Variants in CD3E observed in about 807,000 individuals in gnomAD.
CD3E encodes the protein CD3 epsilon subunit of T-cell receptor complex.
In CD3E, 16 loss-of-function variants were observed where a neutral mutation model predicts 34.7. The ratio of observed to expected loss-of-function variants is 0.46; its 90% CI spans 0.31 to 0.70. The LOEUF (loss-of-function observed/expected upper bound fraction) is 0.70, where lower values mean the gene tolerates loss of function less well. CD3E is among the 30% of genes least tolerant of loss of function. The probability of loss-of-function intolerance (pLI) is 0.05; values close to 1 mark genes in which losing one functional copy is unlikely to be tolerated. For synonymous variants in CD3E, 70 were observed against 90.8 expected, an observed-to-expected ratio of 0.77 and a Z score of 1.30; for missense variants, 223 against 253.9, an observed-to-expected ratio of 0.88 and a Z score of 0.83.
At chr11:118,315,309 C>T (rs981635005) in intron 8 of CD3E, among the ~76,000 whole-genome samples, 177 bp from the exon 9 acceptor site, 4 of 152,084 alleles carry the variant, frequency 2.6e-5, no homozygotes, top group African/African-American at 9.7e-5. Context: ...CTGAGGCTCA[C>T]GGAAGGAGGT....
At position 118,314,423 on chromosome 11, in the gene CD3E, A is replaced by G. The variant is rs1290073735; in HGVS notation, c.521-25A>G. On this transcript the variant is annotated intron_variant, in intron 7 of 8. Coordinates refer to ENST00000361763, the MANE Select transcript of CD3E (RefSeq NM_000733.4). ...AAGATTGGTTCCCTCATGGGAATGA[A>G]ATGTTTCCCCTCCTTCCTCCGCAGG... 4.3e-6 allele frequency: 7 copies of G among 1,609,544 alleles called. No homozygotes were observed. The South Asian group carries it at 5.5e-5, about 13-fold the overall frequency.
chr11:118,305,756 G>A (rs534973245), intron 2 of CD3E, among the ~76,000 whole-genome samples: 1 of 152,316 alleles, frequency 6.6e-6, no homozygotes, highest in African/African-American at 2.4e-5. Flanking sequence ...TAAATAACTT[G>A]TTTTAAACCA....
At chr11:118,314,547 G>A in intron 8 of CD3E, 53 bp downstream of exon 8, 1 of 1,547,434 alleles carries the variant, frequency 6.5e-7, no homozygotes, top group South Asian at 1.1e-5. Flanking sequence ...CCCTCCAGGG[G>A]GGAAGGAAAC....
intron 6 of CD3E, chr11:118,313,210 AGGTTTGC>A: frequency 1.3e-5 from 5 of 382,004 alleles, no homozygotes; most frequent in Non-Finnish European, 1.5e-5. Context: ...TTTTTCAGAA[AGGTTTGC>A]AAAAAACACT....
In CD3E at chr11:118,308,155, C is replaced by T. The variant is rs150357522; in HGVS notation, c.71-272C>T. On this transcript the variant is annotated intron_variant, in intron 3 of 8. Transcript: ENST00000361763. The stretch of plus-strand genomic sequence containing the variant: ...CTGCACTCTAGCCTGGGTGACACAT[C>T]GAGACTGTCTCAAAAATAAAATAAA... 3.2e-3 allele frequency among the ~76,000 whole-genome samples: 482 copies of T among 152,266 alleles called. 5 individuals are homozygous for T. The highest frequency in any genetic ancestry group is 0.011 in the African/African-American group (447 of 41,538).
chr11:118,313,983 T>C, intron 7 of CD3E, 109 bp downstream of exon 7: 1 of 1,005,314 alleles, frequency 9.9e-7, no homozygotes, highest in Non-Finnish European at 1.5e-6. Context: ...TCTCTAGAGC[T>C]TCTATGCACA....
At chr11:118,310,244 G>C (rs2134764430) in intron 4 of CD3E, among the ~76,000 whole-genome samples, 1 of 152,282 alleles carries the variant, frequency 6.6e-6, no homozygotes. Context: ...CCTGGTACCT[G>C]TTAGTTATTT....
intron 1 of CD3E, 55 bp from the exon 2 acceptor site, chr11:118,304,839 G>A (rs1414762762): frequency 4.6e-6 from 4 of 872,574 alleles, no homozygotes; most frequent in Non-Finnish European, 7.9e-6. Flanking sequence ...TGGCCCCAGG[G>A]TCCTTATCTC....
chr11:118,309,740 C>A (rs1196874507), intron 4 of CD3E, among the ~76,000 whole-genome samples: 1 of 152,198 alleles, frequency 6.6e-6, no homozygotes, highest in African/African-American at 2.4e-5. Flanking sequence ...TTCCAACACC[C>A]CTACTGTACA....
chr11:118,307,396 C>A, intron 3 of CD3E, 88 bp downstream of exon 3: 1 of 1,176,696 alleles, frequency 8.5e-7, no homozygotes, highest in Non-Finnish European at 1.2e-6. Flanking sequence ...AGGCCTCCCA[C>A]AGAACTTCCA....
intron 4 of CD3E, among the ~76,000 whole-genome samples, chr11:118,310,175 AG>A (rs1591268134): frequency 6.6e-6 from 1 of 152,224 alleles, no homozygotes; most frequent in Non-Finnish European, 1.5e-5. Flanking sequence ...TTTGTTATAT[AG>A]GTAAACTTGT....
rs532004991 is a variant in CD3E, at chr11:118,304,919, C to T, written c.-34C>T. 1 of 1,608,532 alleles carries T rather than the reference C, an allele frequency of 6.2e-7. No homozygotes were observed. The highest frequency in any genetic ancestry group is 2.2e-5 in the East Asian group (1 of 44,854). ...AAGTAGTAAGTCTGCTGGCCTCCGC[C>T]ATCTTAGTAAAGTAACAGTCCCATG... is the stretch of plus-strand genomic sequence containing the variant. On this transcript the variant is annotated 5_prime_UTR_variant, in exon 2 of 9. Coordinates refer to ENST00000361763, the MANE Select transcript of CD3E (RefSeq NM_000733.4).
At chr11:118,313,685 C>T (rs747019188) in intron 6 of CD3E, 22 bp from the exon 7 acceptor site, 2 of 1,613,000 alleles carry the variant, frequency 1.2e-6, no homozygotes, top group East Asian at 2.2e-5. Flanking sequence ...GATTTCCCCT[C>T]TCCCCACCCC....
chr11:118,310,490 G>A (rs1948129986), intron 4 of CD3E, among the ~76,000 whole-genome samples: 1 of 152,212 alleles, frequency 6.6e-6, no homozygotes, highest in South Asian at 2.1e-4. Context: ...ATTCCATGGT[G>A]TATATGCAGC....
intron 5 of CD3E, 94 bp from the exon 6 acceptor site, chr11:118,312,523 AT>A (rs1948141185): frequency 2.1e-6 from 3 of 1,409,522 alleles, no homozygotes; most frequent in South Asian, 1.2e-5. Flanking sequence ...TAGATGACAG[AT>A]GACTTCCTGC....
At chr11:118,307,198 G>T in intron 2 of CD3E, 90 bp from the exon 3 acceptor site, 2 of 948,500 alleles carry the variant, frequency 2.1e-6, no homozygotes, top group Admixed American at 1.9e-5. Flanking sequence ...TGTCATCAGT[G>T]GTCATACTGC....
intron 2 of CD3E, among the ~76,000 whole-genome samples, chr11:118,305,824 GCAC>G (rs1300069208): frequency 6.6e-6 from 1 of 152,192 alleles, no homozygotes; most frequent in Non-Finnish European, 1.5e-5. Flanking sequence ...CTAAATGGCT[GCAC>G]CACATGAGGC....
intron 6 of CD3E, 73 bp from the exon 7 acceptor site, chr11:118,313,634 T>C: frequency 7.0e-7 from 1 of 1,425,970 alleles, no homozygotes; most frequent in Non-Finnish European, 9.9e-7. Context: ...CTTCATGCAC[T>C]CCCTCCTCAC....
At position 118,306,752 on chromosome 11, in the gene CD3E, G is replaced by A. The variant is rs946667185; in HGVS notation, c.50-536G>A. On this transcript the variant is annotated intron_variant, in intron 2 of 8. Coordinates refer to ENST00000361763, the MANE Select transcript of CD3E (RefSeq NM_000733.4). Reference sequence around the variant, plus strand: ...GTGAGGGCATCCTGGAGGGCCCGGTGGAAATGTGGTCAGGCTCTTCAATGC... The same window carrying A: ...GTGAGGGCATCCTGGAGGGCCCGGTAGAAATGTGGTCAGGCTCTTCAATGC... 3.6e-4 allele frequency among the ~76,000 whole-genome samples: 54 copies of A among 152,104 alleles called. 1 individual carries two copies. The highest frequency in any genetic ancestry group is 1.3e-3 in the African/African-American group (53 of 41,422).
Sources: allele counts gnomAD v4.1 joint callset (sites outside exome capture counted in the v4.1 genomes callset), GRCh38; gene constraint gnomAD v4.1.1; transcripts MANE v1.5; gene names NCBI Gene and HGNC (gene_info 2026-07-23, HGNC 2026-07-21).